Variants in ADRA1A observed in about 807,000 individuals in gnomAD.
The protein encoded by ADRA1A is adrenoceptor alpha 1A, also known as alpha-1A adrenergic receptor.
In ADRA1A, 31 loss-of-function variants were observed where a neutral mutation model predicts 29.6. The ratio of observed to expected loss-of-function variants is 1.05; its 90% CI spans 0.79 to 1.41. The LOEUF is 1.41. ADRA1A is among the 40% of genes most tolerant of loss of function. The pLI is 0.00. For missense variants in ADRA1A, 619 were observed against 601.1 expected (o/e 1.03, Z -0.31); for synonymous variants, 311 against 254.3 (o/e 1.22, Z -2.12).
At chr8:26,790,983 T>C (rs1185268305) in intron 2 of ADRA1A, among the ~76,000 whole-genome samples, 1 of 152,122 alleles carries the variant, frequency 6.6e-6, no homozygotes, top group African/African-American at 2.4e-5. Context: ...TATAGGTGCA[T>C]GTGTACACAC....
intron 2 of ADRA1A, chr8:26,757,163 G>A (rs1407470217): frequency 4.3e-6 from 3 of 699,430 alleles, no homozygotes; most frequent in Non-Finnish European, 7.8e-6. Context: ...GCAGAGTTGG[G>A]CCAAGAACCT....
At chr8:26,771,704 G>C (rs1806159469) in intron 2 of ADRA1A, 1 of 152,440 alleles carries the variant, frequency 6.6e-6, no homozygotes, top group Non-Finnish European at 1.5e-5. Flanking sequence ...CTGCCCTTCT[G>C]AGCTGAGGCT....
chr8:26,779,561 T>C, intron 2 of ADRA1A: 1 of 575,786 alleles, frequency 1.7e-6, no homozygotes. Context: ...TGAAGGAACG[T>C]GGTGGAGAGA....
chr8:26,756,654 C>T, exon 3 of ADRA1A: 1 of 1,604,192 alleles, frequency 6.2e-7, no homozygotes, highest in Admixed American at 1.7e-5. Flanking sequence ...GGCTCCTGGG[C>T]TCCTGGGGTG....
chr8:26,816,381 T>G (rs942958347), intron 2 of ADRA1A, among the ~76,000 whole-genome samples: 1 of 152,208 alleles, frequency 6.6e-6, no homozygotes, highest in Non-Finnish European at 1.5e-5. Flanking sequence ...GACCCAAGGA[T>G]GCAGTGCCTG....
chr8:26,853,033 G>T (rs1309071156), intron 2 of ADRA1A, among the ~76,000 whole-genome samples: 1 of 151,932 alleles, frequency 6.6e-6, no homozygotes, highest in Non-Finnish European at 1.5e-5. Context: ...TCAAATCAAT[G>T]TCAATGAAAA....
At chr8:26,808,254 C>A (rs974497811) in intron 2 of ADRA1A, among the ~76,000 whole-genome samples, 1 of 152,180 alleles carries the variant, frequency 6.6e-6, no homozygotes, top group Non-Finnish European at 1.5e-5. Flanking sequence ...CTACATATTG[C>A]TTTTTCCACT....
chr8:26,764,369 T>C (rs1230001486), downstream of ADRA1A, among the ~76,000 whole-genome samples: 1 of 152,154 alleles, frequency 6.6e-6, no homozygotes, highest in Non-Finnish European at 1.5e-5. Context: ...TGCTTGTCTG[T>C]CAGTCAATGA....
chr8:26,819,794 C>T (rs1449799253), intron 2 of ADRA1A, among the ~76,000 whole-genome samples: 2 of 151,954 alleles, frequency 1.3e-5, no homozygotes, highest in Non-Finnish European at 2.9e-5. Flanking sequence ...TTAAATTCTT[C>T]AATAAAAAGA....
rs1806050340 is a variant in ADRA1A at position 26,770,383 on chromosome 8, G to T, written c.1167C>A (p.Ser389=). The T allele has an allele frequency of 6.2e-7, 1 of 1,614,090 alleles. No individual in the cohort carries two copies. The highest frequency in any genetic ancestry group is 1.7e-5 in the Admixed American group (1 of 60,010). Reference sequence around the variant, plus strand: ...TCCATTCACAAACGCCATCCGTCTTGGAGATCCTGTAGAAGGTCTCTCTTG... The same window carrying T: ...TCCATTCACAAACGCCATCCGTCTTTGAGATCCTGTAGAAGGTCTCTCTTG... ...VGSRETFYRI[S]KTDGVCEWKF... is the part of the protein sequence containing the mutation. Residue 389 remains serine, a synonymous_variant, in exon 3 of 3, where the codon TCC becomes TCA. Transcript: ENST00000380573.
chr8:26,865,313 G>T lies in ADRA1A; in HGVS notation c.-344C>A. 1 of 1,126,662 alleles carries T rather than the reference G, an allele frequency of 8.9e-7. No individual in the cohort carries two copies. The highest frequency in any genetic ancestry group is 1.1e-6 in the Non-Finnish European group (1 of 919,676). 69.8% of individuals were successfully genotyped at this position (1,126,662 alleles called of 1,614,324 possible). On this transcript the variant is annotated 5_prime_UTR_variant, in exon 2 of 3. Transcript: ENST00000380573. This position sits in a 1 kb window ranked among gnomAD's most constrained non-coding sequence, Gnocchi z 7.6. ...AGATCCAGGAGACTCCTTGCAACATGCAATTCCAGAATTACGAGAATCTGC... is the reference window on the plus strand; with the variant it reads ...AGATCCAGGAGACTCCTTGCAACATTCAATTCCAGAATTACGAGAATCTGC...
rs374593632 is a variant in ADRA1A at position 26,865,766 on chromosome 8, G to A, written c.-686-111C>T. 2 of 958,644 alleles carry A rather than the reference G, an allele frequency of 2.1e-6. No homozygotes were observed. Among genetic ancestry groups the A allele is most frequent in the Non-Finnish European group, 2.5e-6 (2 of 805,662 alleles). The allele number at this position is 958,644 out of a possible 1,614,324, so 59.4% of individuals were successfully genotyped here. On this transcript the variant is annotated intron_variant, in intron 1 of 2. Transcript: ENST00000380573. The surrounding 1 kb of genome is among the most constrained non-coding windows in gnomAD (Gnocchi z 7.6). ...CAGTTGGGAGCCGGGTTGGTTCTGCGGTCCAGAAGCTGCTTCGCCCGGCAG... is the reference window on the plus strand; with the variant it reads ...CAGTTGGGAGCCGGGTTGGTTCTGCAGTCCAGAAGCTGCTTCGCCCGGCAG...
chr8:26,795,869 A>G (rs1212208550), intron 2 of ADRA1A, among the ~76,000 whole-genome samples: 2 of 152,162 alleles, frequency 1.3e-5, no homozygotes, highest in Admixed American at 1.3e-4. Flanking sequence ...AAATTCCAAG[A>G]AAAAGAAAGC....
chr8:26,857,884 C>A (rs1011417236), intron 2 of ADRA1A, among the ~76,000 whole-genome samples: 1 of 152,112 alleles, frequency 6.6e-6, no homozygotes, highest in African/African-American at 2.4e-5. Flanking sequence ...TTTTCATATA[C>A]CTTTGCTAGG....
At chr8:26,847,142 C>A (rs1047210562) in intron 2 of ADRA1A, among the ~76,000 whole-genome samples, 1 of 151,908 alleles carries the variant, frequency 6.6e-6, no homozygotes, top group Non-Finnish European at 1.5e-5. Flanking sequence ...GTGGGTACAG[C>A]GCACCAGCAT....
rs953207044 is a variant in ADRA1A at position 26,865,620 on chromosome 8, C to T, written c.-651G>A. 1.0e-6 allele frequency: 1 copy of T among 986,198 alleles called. No homozygotes were observed. The highest frequency in any genetic ancestry group is 1.2e-6 in the Non-Finnish European group (1 of 830,670). The allele number at this position is 986,198 out of a possible 1,614,324, so 61.1% of individuals were successfully genotyped here. ...GTAGGTGTGGAATATGTGCTGAGAC[C>T]CAGGAGGCTGCGGGGCATCGTTTGA... On this transcript the variant is annotated 5_prime_UTR_variant, in exon 2 of 3. Coordinates refer to ENST00000380573, the MANE Select transcript of ADRA1A (RefSeq NM_000680.4). The surrounding 1 kb of genome is among the most constrained non-coding windows in gnomAD (Gnocchi z 7.6).
At chr8:26,810,204 A>G (rs1809281294) in intron 2 of ADRA1A, among the ~76,000 whole-genome samples, 2 of 152,244 alleles carry the variant, frequency 1.3e-5, no homozygotes, top group Non-Finnish European at 2.9e-5. Context: ...AAATTTTTAC[A>G]AAAGGGTCAC....
rs141276891 is a variant in ADRA1A, at chr8:26,832,206, A to C, written c.883+31881T>G. ...ATCTCCAGGTGGGACGCTCATGGTG[A>C]GAACAAGCAGCAGGCTGCTCTCCTG... On this transcript the variant is annotated intron_variant, in intron 2 of 2. Transcript: ENST00000380573. Among the ~76,000 whole-genome samples the C allele has an allele frequency of 2.0e-3, 308 of 152,328 alleles. 2 individuals are homozygous for C. The highest frequency in any genetic ancestry group is 7.0e-3 in the African/African-American group (293 of 41,562).
At chr8:26,749,057 T>C (rs1159052318) in intron 2 of ADRA1A, among the ~76,000 whole-genome samples, 5 of 152,216 alleles carry the variant, frequency 3.3e-5, no homozygotes, top group Non-Finnish European at 7.3e-5. Flanking sequence ...AAATTGACTC[T>C]GAAGGCAGTC....
Sources: allele counts gnomAD v4.1 joint callset (sites outside exome capture counted in the v4.1 genomes callset), GRCh38; gene constraint gnomAD v4.1.1; non-coding constraint Gnocchi (gnomAD v3.1); transcripts MANE v1.5; gene names NCBI Gene and HGNC (gene_info 2026-07-23, HGNC 2026-07-21).